Variants in KCNH5 observed in about 807,000 individuals in gnomAD.
KCNH5 encodes potassium voltage-gated channel subfamily H member 5.
KCNH5 carries 46 observed loss-of-function variants against 96.1 expected under a neutral mutation model. That is an observed-to-expected ratio of 0.48 (90% CI 0.38 to 0.61). The LOEUF (loss-of-function observed/expected upper bound fraction) is 0.61. Among genes scored for constraint, KCNH5 ranks in the 20% least tolerant of loss-of-function variants. The pLI is 0.00. For missense variants in KCNH5, 907 were observed against 1,225.8 expected (o/e 0.74, Z 3.88); for synonymous variants, 439 against 449.8 (o/e 0.98, Z 0.30).
chr14:62,999,939 T>C (rs1890981409), intron 4 of KCNH5, among the ~76,000 whole-genome samples: 1 of 151,772 alleles, frequency 6.6e-6, no homozygotes, highest in Non-Finnish European at 1.5e-5. Context: ...AAAAGTAGTA[T>C]TTATAGTTAT....
At chr14:62,848,674 T>G (rs1425713124) in intron 8 of KCNH5, among the ~76,000 whole-genome samples, 1 of 152,178 alleles carries the variant, frequency 6.6e-6, no homozygotes, top group Non-Finnish European at 1.5e-5. Context: ...ACTAAACATC[T>G]ACTTTGCTCA....
intron 1 of KCNH5, among the ~76,000 whole-genome samples, chr14:63,020,047 C>T (rs1048572152): frequency 6.6e-6 from 1 of 151,980 alleles, no homozygotes; most frequent in Non-Finnish European, 1.5e-5. Flanking sequence ...AAAAGAGAAA[C>T]AACAGCCAAT....
At chr14:62,778,206 A>C (rs891190300) in intron 10 of KCNH5, among the ~76,000 whole-genome samples, 8 of 152,136 alleles carry the variant, frequency 5.3e-5, no homozygotes, top group African/African-American at 1.9e-4. Context: ...TGGTTCCAGG[A>C]TCCCCTCACA....
chr14:62,969,256 C>T (rs1330946669), intron 6 of KCNH5, among the ~76,000 whole-genome samples: 1 of 152,026 alleles, frequency 6.6e-6, no homozygotes, highest in Non-Finnish European at 1.5e-5. Context: ...TAGGAGATCA[C>T]AAAATCAGTG....
At chr14:63,033,147 T>C (rs1891660611) in intron 1 of KCNH5, among the ~76,000 whole-genome samples, 1 of 152,180 alleles carries the variant, frequency 6.6e-6, no homozygotes, top group African/African-American at 2.4e-5. Context: ...CTCCCACTCT[T>C]TCTCCTCCTC....
intron 10 of KCNH5, among the ~76,000 whole-genome samples, chr14:62,766,378 T>C (rs1885861040): frequency 6.6e-6 from 1 of 152,168 alleles, no homozygotes; most frequent in African/African-American, 2.4e-5. Flanking sequence ...TTTGCACTCC[T>C]ATGTTTTTTG....
chr14:62,799,819 T>C (rs1055398939), intron 9 of KCNH5, among the ~76,000 whole-genome samples: 2 of 136,476 alleles, frequency 1.5e-5, no homozygotes, highest in African/African-American at 2.6e-5. Flanking sequence ...ATTTAATATA[T>C]AATTAAATAT....
At chr14:62,865,471 C>T (rs886776466) in intron 7 of KCNH5, among the ~76,000 whole-genome samples, 4 of 151,996 alleles carry the variant, frequency 2.6e-5, no homozygotes, top group Non-Finnish European at 4.4e-5. Context: ...AATCTGGAAT[C>T]GCACAGGTAT....
intron 4 of KCNH5, among the ~76,000 whole-genome samples, chr14:62,987,737 G>C (rs775561758): frequency 1.3e-5 from 2 of 152,108 alleles, no homozygotes; most frequent in Non-Finnish European, 2.9e-5. Context: ...ATGCCAGCCA[G>C]GATCGTTTGC....
intron 7 of KCNH5, among the ~76,000 whole-genome samples, chr14:62,869,923 T>G (rs535711967): frequency 6.6e-6 from 1 of 152,336 alleles, no homozygotes; most frequent in South Asian, 2.1e-4. Flanking sequence ...GGCCCCTTCC[T>G]TACATCTTAT....
chr14:62,983,377 CAA>C (rs531608089), intron 5 of KCNH5, among the ~76,000 whole-genome samples: 8 of 99,286 alleles, frequency 8.1e-5, no homozygotes, highest in Non-Finnish European at 8.4e-5. Context: ...GACTCAGTCT[CAA>C]AAAAAAAAAA....
chr14:62,936,060 T>C (rs1173746509), intron 7 of KCNH5, among the ~76,000 whole-genome samples: 1 of 151,682 alleles, frequency 6.6e-6, no homozygotes, highest in Non-Finnish European at 1.5e-5. Flanking sequence ...AAGAGAGAAA[T>C]ATTAAAGAAG....
intron 7 of KCNH5, among the ~76,000 whole-genome samples, chr14:62,949,651 C>A (rs1434357688): frequency 1.3e-5 from 2 of 152,142 alleles, no homozygotes; most frequent in African/African-American, 4.8e-5. Context: ...CCTAGAGTGG[C>A]TATAATGAAG....
chr14:62,728,996 G>A (rs1884994691), intron 10 of KCNH5, among the ~76,000 whole-genome samples: 2 of 152,174 alleles, frequency 1.3e-5, no homozygotes, highest in Non-Finnish European at 2.9e-5. Context: ...AGTTAATCTA[G>A]AAAGATGATT....
intron 1 of KCNH5, among the ~76,000 whole-genome samples, chr14:63,032,860 G>A (rs1391236382): frequency 1.3e-5 from 2 of 152,096 alleles, no homozygotes; most frequent in East Asian, 3.9e-4. Context: ...TGATGCAGAT[G>A]GTCTTTAGAG....
At chr14:63,041,151 A>G (rs1368600631) in intron 1 of KCNH5, among the ~76,000 whole-genome samples, 1 of 152,144 alleles carries the variant, frequency 6.6e-6, no homozygotes, top group Non-Finnish European at 1.5e-5. Flanking sequence ...ATTGAAGACA[A>G]CATATGAGTA....
At chr14:62,779,463 T>C (rs1200292912) in intron 10 of KCNH5, among the ~76,000 whole-genome samples, 2 of 152,226 alleles carry the variant, frequency 1.3e-5, no homozygotes, top group East Asian at 1.9e-4. Flanking sequence ...TACATCATAA[T>C]AGAGTTCACA....
intron 7 of KCNH5, among the ~76,000 whole-genome samples, chr14:62,891,207 A>G (rs895459155): frequency 3.9e-5 from 6 of 152,234 alleles, no homozygotes; most frequent in African/African-American, 1.4e-4. Context: ...CATCTACACC[A>G]TGGAATATTA....
At chr14:63,036,920 G>T (rs553221076) in intron 1 of KCNH5, among the ~76,000 whole-genome samples, 1 of 152,218 alleles carries the variant, frequency 6.6e-6, no homozygotes, top group African/African-American at 2.4e-5. Context: ...AAGATCTTAA[G>T]ATTTACGAGA....
Sources: gnomAD v4.1 joint callset for allele counts (sites outside exome capture counted in the v4.1 genomes callset) on GRCh38, gnomAD v4.1.1 for gene constraint, MANE v1.5 for transcripts, NCBI Gene and HGNC (gene_info 2026-07-23, HGNC 2026-07-21) for gene names.